Variants in NMT1 observed in about 807,000 individuals in gnomAD.
NMT1 encodes the protein glycylpeptide N-tetradecanoyltransferase 1.
NMT1 carries 12 observed loss-of-function variants against 63.4 expected under a neutral mutation model. The observed-to-expected ratio is 0.19, with a 90% CI of 0.12 to 0.31. The LOEUF is 0.31. Among genes scored for constraint, NMT1 ranks in the 10% least tolerant of loss-of-function variants. The pLI is 1.00. For synonymous variants in NMT1, 228 were observed against 234.3 expected (o/e 0.97, Z 0.25); for missense variants, 432 against 634.6 (o/e 0.68, Z 3.43).
chr17:45,097,959 A>C (rs948732334), intron 6 of NMT1, among the ~76,000 whole-genome samples: 12 of 152,006 alleles, frequency 7.9e-5, no homozygotes, highest in Non-Finnish European at 1.6e-4. Context: ...AAGTGTTGAA[A>C]CCATCTGCCT....
chr17:45,090,401 GTTC>G lies in NMT1; in HGVS notation c.386-3278_386-3276del, dbSNP rs10592246. ...TTGATCCCCCACTCGAGATCATGTCGTTCTTCTTTTTAAAGTCACCCCTTTCCC... is the reference window on the plus strand; with the variant it reads ...TTGATCCCCCACTCGAGATCATGTCGTTCTTTTTAAAGTCACCCCTTTCCC... On this transcript the variant is annotated intron_variant, in intron 3 of 11. Transcript: ENST00000258960. Among the ~76,000 whole-genome samples, 914 of 152,186 alleles carry G rather than the reference GTTC, an allele frequency of 6.0e-3. 9 individuals are homozygous for G. Among genetic ancestry groups the G allele is most frequent in the African/African-American group, 0.021 (883 of 41,512 alleles).
At chr17:45,063,183 C>T (rs1302807955) in intron 1 of NMT1, among the ~76,000 whole-genome samples, 4 of 117,164 alleles carry the variant, frequency 3.4e-5, no homozygotes, top group East Asian at 2.6e-4. Context: ...CCAGCCTGGG[C>T]GACAGAGCGA....
In NMT1 at chr17:45,104,204, G is replaced by A. The variant is rs929466247; in HGVS notation, c.1332+328G>A. The A allele has an allele frequency of 2.4e-6, 3 of 1,248,014 alleles. No individual in the cohort carries two copies. The African/African-American group carries it at 4.6e-5, about 19-fold the overall frequency. The allele number at this position is 1,248,014 out of a possible 1,614,324, so 77.3% of individuals were successfully genotyped here. A position where few individuals can be genotyped will look rare whatever the true frequency, so the allele number is the denominator to read the frequency against. ...TCACAGCTTTCCCAGCGTGGGAAAGGGGTGATTGCTGTCTGTCGTGGTGAG... is the reference window on the plus strand; with the variant it reads ...TCACAGCTTTCCCAGCGTGGGAAAGAGGTGATTGCTGTCTGTCGTGGTGAG... On this transcript the variant is annotated intron_variant, in intron 10 of 11. Coordinates refer to ENST00000258960, the MANE Select transcript of NMT1 (RefSeq NM_021079.5). The surrounding 1 kb of genome is among the most constrained non-coding windows in gnomAD (Gnocchi z 4.2).
At chr17:45,077,372 T>G (rs1019100152) in intron 1 of NMT1, among the ~76,000 whole-genome samples, 12 of 152,152 alleles carry the variant, frequency 7.9e-5, no homozygotes, top group African/African-American at 2.4e-4. Flanking sequence ...CTGCTTTGTC[T>G]CCTAATATCA....
At chr17:45,080,680 A>C (rs2054012033) in intron 1 of NMT1, among the ~76,000 whole-genome samples, 1 of 148,838 alleles carries the variant, frequency 6.7e-6, no homozygotes, top group South Asian at 2.1e-4. Flanking sequence ...CATGTTAGCC[A>C]GGATGGTCTT....
chr17:45,085,164 A>G (rs1386842758), intron 2 of NMT1, among the ~76,000 whole-genome samples: 15 of 152,138 alleles, frequency 9.9e-5, no homozygotes, highest in Non-Finnish European at 1.9e-4. Flanking sequence ...GAAGTGGGAG[A>G]ATCCCTTCAG....
intron 1 of NMT1, among the ~76,000 whole-genome samples, chr17:45,062,739 A>G (rs930290374): frequency 6.6e-6 from 1 of 152,194 alleles, no homozygotes; most frequent in Non-Finnish European, 1.5e-5. Flanking sequence ...AGGCTATACC[A>G]TCTAGATTTG....
Position 45,061,325 on chromosome 17 carries a change from T to C in NMT1, c.-5T>C. On this transcript the variant is annotated 5_prime_UTR_variant, in exon 1 of 12. Transcript: ENST00000258960. ...GGGCGCGGAGCCCTGCTCTCGCAAC[T>C]CAAGATGGCGGACGAGAGTGAGACA... 1 of 1,613,080 alleles carries C rather than the reference T, an allele frequency of 6.2e-7. No homozygotes were observed. The highest frequency in any genetic ancestry group is 1.7e-5 in the Admixed American group (1 of 59,728).
intron 2 of NMT1, among the ~76,000 whole-genome samples, chr17:45,085,995 G>A (rs2054049399): frequency 6.6e-6 from 1 of 151,206 alleles, no homozygotes; most frequent in South Asian, 2.1e-4. Flanking sequence ...CTAATTTTTT[G>A]TATTTTAGTA....
chr17:45,091,237 C>CACACGT (rs1555606665), intron 3 of NMT1, among the ~76,000 whole-genome samples: 114 of 148,438 alleles, frequency 7.7e-4, no homozygotes, highest in Middle Eastern at 3.4e-3. Flanking sequence ...CACACACACA[C>CACACGT]GTCCCATAGC....
intron 2 of NMT1, among the ~76,000 whole-genome samples, chr17:45,083,327 A>T (rs2054029078): frequency 7.0e-6 from 1 of 142,120 alleles, no homozygotes; most frequent in Non-Finnish European, 1.6e-5. Flanking sequence ...TCAAAAAAAA[A>T]AAAAAATTAA....
At chr17:45,090,275 C>A (rs578242412) in intron 3 of NMT1, among the ~76,000 whole-genome samples, 5 of 151,986 alleles carry the variant, frequency 3.3e-5, no homozygotes, top group Non-Finnish European at 5.9e-5. Context: ...CAAAGCGAGT[C>A]CCTGTCTCAA....
chr17:45,062,640 T>C (rs933224635), intron 1 of NMT1, among the ~76,000 whole-genome samples: 1 of 152,240 alleles, frequency 6.6e-6, no homozygotes, highest in Non-Finnish European at 1.5e-5. Flanking sequence ...CCTGCAGTAC[T>C]CAGTAACATG....
chr17:45,062,135 G>A (rs995004275), intron 1 of NMT1, among the ~76,000 whole-genome samples: 4 of 152,152 alleles, frequency 2.6e-5, no homozygotes, highest in Non-Finnish European at 5.9e-5. Flanking sequence ...AGAAATGAGC[G>A]ATGTTGTTTC....
chr17:45,069,815 T>C (rs985431498), intron 1 of NMT1, among the ~76,000 whole-genome samples: 13 of 151,676 alleles, frequency 8.6e-5, no homozygotes, highest in Non-Finnish European at 1.8e-4. Flanking sequence ...AGACAAATAT[T>C]ATTTTCAGAA....
At chr17:45,093,186 G>A (rs961150122) in intron 3 of NMT1, among the ~76,000 whole-genome samples, 1 of 152,214 alleles carries the variant, frequency 6.6e-6, no homozygotes, top group Non-Finnish European at 1.5e-5. Context: ...ACTGGCTCAC[G>A]CTGCTGAAAG....
At position 45,105,614 on chromosome 17, in the gene NMT1, C is replaced by T; in HGVS notation, c.1471-5C>T. 1 of 1,613,460 alleles carries T rather than the reference C, an allele frequency of 6.2e-7. No homozygotes were observed. Among genetic ancestry groups the T allele is most frequent in the Non-Finnish European group, 8.5e-7 (1 of 1,179,848 alleles). ...AGCTCTGCCTCTCCCTGTTGGCTTT[C>T]CTAGGTTGGACTGGTGCTACAATAA... is the stretch of plus-strand genomic sequence containing the variant. On this transcript the variant is annotated splice_region_variant and splice_polypyrimidine_tract_variant and intron_variant, in intron 11 of 11. Coordinates refer to ENST00000258960, the MANE Select transcript of NMT1 (RefSeq NM_021079.5). The surrounding 1 kb of genome is among the most constrained non-coding windows in gnomAD (Gnocchi z 4.2).
chr17:45,081,336 C>T (rs1427491297), intron 1 of NMT1, among the ~76,000 whole-genome samples: 4 of 152,190 alleles, frequency 2.6e-5, no homozygotes, highest in Non-Finnish European at 5.9e-5. Context: ...AATTATCATT[C>T]GTCTTTGGTG....
At chr17:45,074,231 T>TC (rs11445631) in intron 1 of NMT1, among the ~76,000 whole-genome samples, 21,675 of 151,074 alleles carry the variant, frequency 0.14, 2,000 homozygotes, top group East Asian at 0.27. Context: ...TTTTTTTTTT[T>TC]TGAGACAGAG....
Sources: gnomAD v4.1 joint callset for allele counts (sites outside exome capture counted in the v4.1 genomes callset) on GRCh38, gnomAD v4.1.1 for gene constraint, Gnocchi (gnomAD v3.1) non-coding constraint, MANE v1.5 for transcripts, NCBI Gene and HGNC (gene_info 2026-07-23, HGNC 2026-07-21) for gene names.